The following CNIH3 variants were observed in gnomAD, a reference collection of about 807,000 sequenced individuals.
The protein encoded by CNIH3 is cornichon family AMPA receptor auxiliary protein 3, also known as protein cornichon homolog 3.
A neutral mutation model predicts 24.1 loss-of-function variants in CNIH3; 14 were observed. The observed-to-expected ratio is 0.58, with a 90% CI of 0.38 to 0.91. CNIH3 has a LOEUF of 0.91. Ranked by LOEUF, CNIH3 falls within the 40% of genes least tolerant of loss-of-function variation. The probability of loss-of-function intolerance (pLI) is 0.00; values close to 1 mark genes in which losing one functional copy is unlikely to be tolerated. For synonymous variants in CNIH3, 68 were observed against 73.8 expected, an observed-to-expected ratio of 0.92 and a Z score of 0.40; for missense variants, 178 against 196.8, an observed-to-expected ratio of 0.90 and a Z score of 0.57.
In CNIH3 at chr1:224,617,140, C is replaced by G. The variant is rs767398027; in HGVS notation, c.-35C>G. 6.2e-7 allele frequency: 1 copy of G among 1,611,222 alleles called. No homozygotes were observed. The highest frequency in any genetic ancestry group is 8.5e-7 in the Non-Finnish European group (1 of 1,178,668). ...GGAGGCATCGGGCTCCTAGGGGCTT[C>G]TTGGCGTGTGTGGTGGGATTGGGGT... On this transcript the variant is annotated 5_prime_UTR_variant, in exon 1 of 6. Coordinates refer to ENST00000272133, the MANE Select transcript of CNIH3 (RefSeq NM_152495.2).
chr1:224,733,782 C>G (rs1558349059), intron 4 of CNIH3, among the ~76,000 whole-genome samples: 1 of 152,168 alleles, frequency 6.6e-6, no homozygotes, highest in African/African-American at 2.4e-5. Flanking sequence ...TGTTCTTGGG[C>G]TCCGGCAGGA....
chr1:224,576,342 G>A (rs1042727844), intron 4 of CNIH3, among the ~76,000 whole-genome samples: 17 of 152,136 alleles, frequency 1.1e-4, no homozygotes, highest in African/African-American at 4.1e-4. Flanking sequence ...ATAGTTTAAA[G>A]AGTCAAATAG....
chr1:224,498,429 C>T (rs550554733), intron 1 of CNIH3, among the ~76,000 whole-genome samples: 1 of 152,258 alleles, frequency 6.6e-6, no homozygotes, highest in South Asian at 2.1e-4. Flanking sequence ...AGCTTATATG[C>T]AACTCTCTGG....
Position 224,693,696 on chromosome 1 carries a change from G to A in CNIH3, c.198+8853G>A, listed in dbSNP as rs146686150. Reference sequence around the variant, plus strand: ...GGGGACTACAAAGTTAGGGGCAAAGGGTGTGGATATTCTTCAGTCAGACCT... The same window carrying A: ...GGGGACTACAAAGTTAGGGGCAAAGAGTGTGGATATTCTTCAGTCAGACCT... On this transcript the variant is annotated intron_variant, in intron 3 of 5. Transcript: ENST00000272133. 1.4e-3 allele frequency among the ~76,000 whole-genome samples: 209 copies of A among 152,296 alleles called. 2 individuals carry two copies. Among genetic ancestry groups the A allele is most frequent in the Middle Eastern group, 3.4e-3 (1 of 294 alleles).
chr1:224,463,785 T>TA (rs1558083214), intron 1 of CNIH3, among the ~76,000 whole-genome samples: 4 of 116,886 alleles, frequency 3.4e-5, no homozygotes, highest in African/African-American at 1.4e-4. Context: ...TTTTTTTTTT[T>TA]TTTTTTTTTT....
intron 1 of CNIH3, among the ~76,000 whole-genome samples, chr1:224,632,932 T>TA (rs2125080904): frequency 6.6e-6 from 1 of 152,266 alleles, no homozygotes; most frequent in Admixed American, 6.5e-5. Flanking sequence ...GGGCACTCCT[T>TA]AGCAAACCTC....
intron 3 of CNIH3, among the ~76,000 whole-genome samples, chr1:224,564,469 G>A (rs114037305): frequency 7.0e-4 from 106 of 152,340 alleles, no homozygotes; most frequent in Middle Eastern, 3.4e-3. Context: ...AAGACAAATC[G>A]TACTATGAAG....
intron 2 of CNIH3, among the ~76,000 whole-genome samples, chr1:224,532,561 C>T (rs982274569): frequency 6.6e-6 from 1 of 152,194 alleles, no homozygotes; most frequent in African/African-American, 2.4e-5. Flanking sequence ...TGGTTGTATT[C>T]TGGGCCTGAG....
chr1:224,535,213 C>T (rs186836393), intron 2 of CNIH3, among the ~76,000 whole-genome samples: 18 of 152,170 alleles, frequency 1.2e-4, no homozygotes, highest in Admixed American at 4.6e-4. Context: ...GTAGACGCAG[C>T]GAGGAGAGCA....
chr1:224,529,761 C>T (rs369566530), intron 2 of CNIH3, among the ~76,000 whole-genome samples: 6 of 152,176 alleles, frequency 3.9e-5, no homozygotes, highest in African/African-American at 7.2e-5. Context: ...AATGAAGAAA[C>T]GCTTTGTATA....
intron 2 of CNIH3, among the ~76,000 whole-genome samples, chr1:224,536,749 T>C (rs1679302509): frequency 6.6e-6 from 1 of 152,144 alleles, no homozygotes; most frequent in African/African-American, 2.4e-5. Context: ...AGACACTGTC[T>C]AGGGACAAAG....
At position 224,668,786 on chromosome 1, in the gene CNIH3, A is replaced by G. The variant is rs115968732; in HGVS notation, c.82-12172A>G. On this transcript the variant is annotated intron_variant, in intron 1 of 5. Transcript: ENST00000272133. ...GAGAACCAAGGATGCCAGAGGACGC[A>G]CAAGTTTGGTGAGAGGAGGGGGAAC... is the stretch of plus-strand genomic sequence containing the variant. 1.5e-3 allele frequency among the ~76,000 whole-genome samples: 221 copies of G among 152,232 alleles called. 1 individual carries two copies. Among genetic ancestry groups the G allele is most frequent in the Non-Finnish European group, 2.5e-3 (171 of 68,010 alleles).
intron 3 of CNIH3, among the ~76,000 whole-genome samples, chr1:224,722,588 T>C (rs1350495545): frequency 6.6e-6 from 1 of 152,058 alleles, no homozygotes; most frequent in Non-Finnish European, 1.5e-5. Context: ...TTGAGCAGGG[T>C]TCTCAGTGGC....
intron 3 of CNIH3, among the ~76,000 whole-genome samples, chr1:224,702,227 C>G (rs145644948): frequency 3.3e-4 from 50 of 152,208 alleles, no homozygotes; most frequent in Non-Finnish European, 6.2e-4. Flanking sequence ...ATTACACAAG[C>G]TTTCATAATA....
chr1:224,672,668 C>G (rs74146246), intron 1 of CNIH3, among the ~76,000 whole-genome samples: 2,628 of 152,248 alleles, frequency 0.017, 74 homozygotes, highest in African/African-American at 0.059. Flanking sequence ...ATAAAGATGA[C>G]CCCATCTTTT....
intron 1 of CNIH3, 76 bp from the exon 2 acceptor site, chr1:224,680,882 C>A: frequency 8.8e-7 from 1 of 1,137,880 alleles, no homozygotes; most frequent in Non-Finnish European, 1.3e-6. Context: ...TATTTGGAAG[C>A]AAATCCACAG....
In CNIH3 at chr1:224,739,323, A is replaced by G; in HGVS notation, c.456-6A>G. ...TTTTTTTTTTTTTTTTTTTTTTTGCATTCAGCATGATCTACACTTTAGTGA... is the reference window on the plus strand; with the variant it reads ...TTTTTTTTTTTTTTTTTTTTTTTGCGTTCAGCATGATCTACACTTTAGTGA... On this transcript the variant is annotated splice_polypyrimidine_tract_variant and splice_region_variant and intron_variant, in intron 5 of 5. Transcript: ENST00000272133. 3 of 878,304 alleles carry G rather than the reference A, an allele frequency of 3.4e-6. No homozygotes were observed. In the South Asian group the frequency reaches 5.9e-5, roughly 17 times the overall value. 54.4% of individuals were successfully genotyped at this position (878,304 alleles called of 1,614,324 possible).
At chr1:224,448,784 T>C (rs1371959538) in intron 1 of CNIH3, among the ~76,000 whole-genome samples, 5 of 152,162 alleles carry the variant, frequency 3.3e-5, no homozygotes, top group African/African-American at 1.2e-4. Flanking sequence ...GCTAGGACCA[T>C]AGATAGCCAC....
chr1:224,607,937 A>T (rs926343848), intron 3 of CNIH3, among the ~76,000 whole-genome samples: 4 of 152,184 alleles, frequency 2.6e-5, no homozygotes, highest in Non-Finnish European at 5.9e-5. Flanking sequence ...ATTTTTAAAA[A>T]GTTATTGTGC....
Sources: allele counts gnomAD v4.1 joint callset (sites outside exome capture counted in the v4.1 genomes callset), GRCh38; gene constraint gnomAD v4.1.1; transcripts MANE v1.5; gene names NCBI Gene and HGNC (gene_info 2026-07-23, HGNC 2026-07-21).